SPEG: variants seen among roughly 807,000 people sequenced by gnomAD.
The protein encoded by SPEG is striated muscle preferentially expressed protein kinase.
SPEG carries 114 observed loss-of-function variants against 300.4 expected under a neutral mutation model. The ratio of observed to expected loss-of-function variants is 0.38; its 90% confidence interval spans 0.33 to 0.44. The LOEUF (loss-of-function observed/expected upper bound fraction) is 0.44. Among genes scored for constraint, SPEG ranks in the 20% least tolerant of loss-of-function variants. The pLI is 1.00. For synonymous variants in SPEG, 1,964 were observed against 2,018.9 expected (o/e 0.97, Z 0.73); for missense variants, 4,201 against 4,586.2 (o/e 0.92, Z 2.43).
In SPEG at chr2:219,492,785, A is replaced by G. The variant is rs1187901696; in HGVS notation, c.9803A>G (p.Ter3268TrpextTer48). ...VLLRSYPGGP[*>W] ...CTGCGCTCCTACCCTGGCGGCCCCTAGAGGCACGGACCACAGCCAGGCCTC... is the reference window on the plus strand; with the variant it reads ...CTGCGCTCCTACCCTGGCGGCCCCTGGAGGCACGGACCACAGCCAGGCCTC... Residue 3268 changes from the stop codon to tryptophan (W), a stop_lost, in exon 41 of 41, where the codon TAG becomes TGG. Coordinates refer to ENST00000312358, the MANE Select transcript of SPEG (RefSeq NM_005876.5). The G allele has an allele frequency of 1.3e-6, 2 of 1,584,708 alleles. No homozygotes were observed. The highest frequency in any genetic ancestry group is 2.7e-5 in the African/African-American group (2 of 74,542).
Position 219,443,018 on chromosome 2 carries a change from C to A in SPEG, c.389-1635C>A. 1 of 1,057,278 alleles carries A rather than the reference C, an allele frequency of 9.5e-7. No homozygotes were observed. Among genetic ancestry groups the A allele is most frequent in the Non-Finnish European group, 1.4e-6 (1 of 703,922 alleles). The allele number at this position is 1,057,278 out of a possible 1,614,324, so 65.5% of individuals were successfully genotyped here. A position where few individuals can be genotyped will look rare whatever the true frequency, so the allele number is the denominator to read the frequency against. Reference sequence around the variant, plus strand: ...CACACACTGGCCAGGGAATGAGTTTCTGCTTGATGTTGCAGGTCTGGATGG... The same window carrying A: ...CACACACTGGCCAGGGAATGAGTTTATGCTTGATGTTGCAGGTCTGGATGG... On this transcript the variant is annotated intron_variant, in intron 1 of 40. Coordinates refer to ENST00000312358, the MANE Select transcript of SPEG (RefSeq NM_005876.5). This position sits in a 1 kb window ranked among gnomAD's most constrained non-coding sequence, Gnocchi z 4.6.
chr2:219,479,253 T>C lies in SPEG; in HGVS notation c.5085+52T>C, dbSNP rs1310253362. On this transcript the variant is annotated intron_variant, in intron 23 of 40. Coordinates refer to ENST00000312358, the MANE Select transcript of SPEG (RefSeq NM_005876.5). This position sits in a 1 kb window ranked among gnomAD's most constrained non-coding sequence, Gnocchi z 5.5. ...GGTTGGGCACCAGCCTTCACCCACC[T>C]GAGCTTTGAGAACCAACAAATGGGT... The C allele has an allele frequency of 6.6e-7, 1 of 1,517,918 alleles. No homozygotes were observed. The highest frequency in any genetic ancestry group is 1.4e-5 in the African/African-American group (1 of 73,314). 94.0% of individuals were successfully genotyped at this position (1,517,918 alleles called of 1,614,324 possible). A position where few individuals can be genotyped will look rare whatever the true frequency, so the allele number is the denominator to read the frequency against.
At chr2:219,441,648 G>A (rs1398367549) in intron 1 of SPEG, 9 of 463,270 alleles carry the variant, frequency 1.9e-5, no homozygotes, top group East Asian at 7.0e-5. Flanking sequence ...TGAGCTAGAG[G>A]CCATTGCACC....
At chr2:219,466,967 C>A in intron 9 of SPEG, 1 of 1,063,600 alleles carries the variant, frequency 9.4e-7, no homozygotes, top group Non-Finnish European at 1.2e-6. Context: ...AATCACCCTC[C>A]CTGGCCCAGC....
At position 219,448,592 on chromosome 2, in the gene SPEG, C is replaced by T. The variant is rs1047754410; in HGVS notation, c.1434C>T (p.Asp478=). ...RLFQQKAASL[D]ERTRQRSPAS... is the part of the protein sequence containing the mutation. ...TCCAGCAGAAAGCGGCCTCGCTGGA[C>T]GAGCGCACGCGTCAGCGCAGCCCGG... is the stretch of plus-strand genomic sequence containing the variant. The change falls in exon 4 of 41, where the codon GAC becomes GAT. Residue 478 remains aspartate, a synonymous_variant. Transcript: ENST00000312358. 71 of 1,458,176 alleles carry T rather than the reference C, an allele frequency of 4.9e-5. No individual in the cohort carries two copies. Among genetic ancestry groups the T allele is most frequent in the Non-Finnish European group, 5.9e-5 (66 of 1,112,560 alleles). The allele number at this position is 1,458,176 out of a possible 1,614,324, so 90.3% of individuals were successfully genotyped here.
intron 8 of SPEG, among the ~76,000 whole-genome samples, chr2:219,462,649 G>T (rs910108229): frequency 1.4e-4 from 22 of 152,382 alleles, no homozygotes; most frequent in African/African-American, 4.8e-4. Flanking sequence ...GGGTGCGGTG[G>T]CTCACGCCTG....
In SPEG at chr2:219,435,314, G is replaced by A. The variant is rs550488251; in HGVS notation, c.337G>A (p.Glu113Lys). Residue 113 changes from glutamate to lysine, a missense_variant, in exon 1 of 41, where the codon GAG becomes AAG. By Grantham distance (56) the Glu-to-Lys change is moderately conservative (BLOSUM62 1). This residue lies in a region of SPEG where 1,258 missense variants were observed against 1,293.9 expected (regional missense o/e 0.97). Coordinates refer to ENST00000312358, the MANE Select transcript of SPEG (RefSeq NM_005876.5). ...CGTGTACAGCTGCATGGCCCAGAAC[G>A]AGCGGGGCCGGGCCTCCTGCGAGGC... ...AGVYSCMAQN[E>K]RGRASCEAVL... The A allele has an allele frequency of 5.2e-6, 8 of 1,535,022 alleles. No individual in the cohort carries two copies. Among genetic ancestry groups the A allele is most frequent in the East Asian group, 2.5e-5 (1 of 40,728 alleles).
chr2:219,453,633 G>T (rs72965336), intron 6 of SPEG, among the ~76,000 whole-genome samples: 52 of 152,322 alleles, frequency 3.4e-4, no homozygotes, highest in Non-Finnish European at 5.3e-4. Context: ...CCTCTGCCCT[G>T]GGGAGCCAGA....
chr2:219,467,944 G>T (rs184833658), intron 10 of SPEG, among the ~76,000 whole-genome samples: 3 of 152,362 alleles, frequency 2.0e-5, no homozygotes, highest in African/African-American at 4.8e-5. Flanking sequence ...GCCAGCCATT[G>T]TTACCACTGA....
At position 219,467,421 on chromosome 2, in the gene SPEG, C is replaced by T. The variant is rs55808595; in HGVS notation, c.3129C>T (p.Leu1043=). The T allele has an allele frequency of 1.2e-6, 2 of 1,603,948 alleles. No homozygotes were observed. The highest frequency in any genetic ancestry group is 4.5e-5 in the East Asian group (2 of 44,670). ...ACAGTGGCGTCTACACCTGCAAGCT[C>T]AGCACGGCCAAAGGTAACTCCCCAC... is the stretch of plus-strand genomic sequence containing the variant. The part of the protein sequence containing the change: ...EDDSGVYTCK[L]STAKDELTCS... Residue 1043 remains leucine (L), a synonymous_variant, in exon 10 of 41, where the codon CTC becomes CTT. Coordinates refer to ENST00000312358, the MANE Select transcript of SPEG (RefSeq NM_005876.5).
rs1178218999 is a variant in SPEG, at chr2:219,479,240, G to C, written c.5085+39G>C. ...GTGGCAGGGGCCAGGTTGGGCACCAGCCTTCACCCACCTGAGCTTTGAGAA... is the reference window on the plus strand; with the variant it reads ...GTGGCAGGGGCCAGGTTGGGCACCACCCTTCACCCACCTGAGCTTTGAGAA... On this transcript the variant is annotated intron_variant, in intron 23 of 40. Transcript: ENST00000312358. The surrounding 1 kb of genome is among the most constrained non-coding windows in gnomAD (Gnocchi z 5.5). The C allele has an allele frequency of 1.3e-6, 2 of 1,573,514 alleles. No homozygotes were observed. The highest frequency in any genetic ancestry group is 1.7e-6 in the Non-Finnish European group (2 of 1,145,282).
At chr2:219,490,008 G>C in intron 36 of SPEG, 69 bp downstream of exon 36, 10 of 1,501,198 alleles carry the variant, frequency 6.7e-6, no homozygotes, top group Non-Finnish European at 8.9e-6. Flanking sequence ...CATGGCTTCG[G>C]AGAGAAGACC....
At position 219,458,525 on chromosome 2, in the gene SPEG, G is replaced by C. The variant is rs189865996; in HGVS notation, c.2441-3357G>C. ...ACTCTATGGTCTAAGGAGCCCTCCAGGTGATTCCGATGCACAGAAAACCTT... is the reference window on the plus strand; with the variant it reads ...ACTCTATGGTCTAAGGAGCCCTCCACGTGATTCCGATGCACAGAAAACCTT... On this transcript the variant is annotated intron_variant, in intron 6 of 40. Transcript: ENST00000312358. This position sits in a 1 kb window ranked among gnomAD's most constrained non-coding sequence, Gnocchi z 4.2. 5.3e-5 allele frequency among the ~76,000 whole-genome samples: 8 copies of C among 152,328 alleles called. No individual in the cohort carries two copies. In the East Asian group the frequency reaches 1.5e-3, roughly 29 times the overall value.
At chr2:219,457,626 C>T (rs571087896) in intron 6 of SPEG, among the ~76,000 whole-genome samples, 52 of 152,252 alleles carry the variant, frequency 3.4e-4, no homozygotes, top group Non-Finnish European at 6.8e-4. Context: ...GTAAAGAGTC[C>T]GCCTTGCCTA....
intron 31 of SPEG, among the ~76,000 whole-genome samples, chr2:219,487,365 G>A (rs1031761126): frequency 2.6e-5 from 4 of 152,196 alleles, no homozygotes; most frequent in African/African-American, 7.2e-5. Context: ...CCATATTATT[G>A]AGAAAATGAT....
At chr2:219,474,803 T>TC (rs1412075182) in intron 18 of SPEG, among the ~76,000 whole-genome samples, 1 of 150,792 alleles carries the variant, frequency 6.6e-6, no homozygotes, top group African/African-American at 2.4e-5. Context: ...TTCTTTTTTT[T>TC]TTTTTTTTTT....
At chr2:219,449,710 C>A (rs924169630) in intron 4 of SPEG, among the ~76,000 whole-genome samples, 1 of 152,162 alleles carries the variant, frequency 6.6e-6, no homozygotes, top group Non-Finnish European at 1.5e-5. Flanking sequence ...ATTTTCAAAT[C>A]CCTGTTACAG....
chr2:219,481,544 C>T lies in SPEG; in HGVS notation c.5522+88C>T. 6.2e-7 allele frequency: 1 copy of T among 1,603,522 alleles called. No individual in the cohort carries two copies. The highest frequency in any genetic ancestry group is 8.5e-7 in the Non-Finnish European group (1 of 1,171,394). On this transcript the variant is annotated intron_variant, in intron 27 of 40. Transcript: ENST00000312358. This position sits in a 1 kb window ranked among gnomAD's most constrained non-coding sequence, Gnocchi z 5.4. ...TCCCAAACTCCTGCCCCTCGACATG[C>T]AAGCCCCCAACTCCTTAGGAGCCCT...
chr2:219,441,507 C>T (rs1688913446), intron 1 of SPEG: 1 of 469,840 alleles, frequency 2.1e-6, no homozygotes, highest in African/African-American at 2.0e-5. Flanking sequence ...GAGTTCGGTT[C>T]TGCCTGGCAC....
Sources: allele counts gnomAD v4.1 joint callset (sites outside exome capture counted in the v4.1 genomes callset), GRCh38; gene constraint gnomAD v4.1.1; regional missense constraint gnomAD v4.1.1; non-coding constraint Gnocchi (gnomAD v3.1); transcripts MANE v1.5; gene names NCBI Gene and HGNC (gene_info 2026-07-23, HGNC 2026-07-21).